The following EFNB2 variants were observed in gnomAD, a reference collection of about 807,000 sequenced individuals.
The protein encoded by EFNB2 is ephrin-B2.
Under a neutral mutation model 32.1 loss-of-function variants are expected in EFNB2, and 5 were observed. The ratio of observed to expected loss-of-function variants is 0.16; its 90% CI spans 0.08 to 0.33. EFNB2 has a LOEUF of 0.33. EFNB2 is among the 10% of genes least tolerant of loss of function. The pLI, the probability that EFNB2 is intolerant of heterozygous loss-of-function variation, is 1.00. For synonymous variants in EFNB2, 168 were observed against 166.5 expected (o/e 1.01, Z -0.07); for missense variants, 263 against 422.6 (o/e 0.62, Z 3.31).
intron 3 of EFNB2, 104 bp downstream of exon 3, chr13:106,495,643 TA>T: frequency 8.8e-7 from 1 of 1,134,784 alleles, no homozygotes; most frequent in Non-Finnish European, 1.3e-6. Flanking sequence ...CTTTGAAAAC[TA>T]AAAAGAAGAG....
At chr13:106,521,927 T>A (rs937540012) in intron 1 of EFNB2, among the ~76,000 whole-genome samples, 2 of 152,090 alleles carry the variant, frequency 1.3e-5, no homozygotes, top group African/African-American at 4.8e-5. Flanking sequence ...ACTTTAAGTG[T>A]GTGATCCCCA....
intron 1 of EFNB2, among the ~76,000 whole-genome samples, chr13:106,525,471 T>C (rs548328853): frequency 1.3e-4 from 20 of 152,340 alleles, no homozygotes; most frequent in Non-Finnish European, 2.8e-4. Flanking sequence ...GGATCTGTCT[T>C]GAGCAATGGC....
At chr13:106,495,603 T>C in intron 3 of EFNB2, 145 bp downstream of exon 3, 1 of 730,688 alleles carries the variant, frequency 1.4e-6, no homozygotes, top group Admixed American at 2.6e-5. Context: ...TGAGGAAATC[T>C]GTCAGTGGCT....
chr13:106,528,480 A>C (rs560402867), intron 1 of EFNB2, among the ~76,000 whole-genome samples: 6,638 of 148,322 alleles, frequency 0.045, 237 homozygotes, highest in African/African-American at 0.1. Context: ...TAAAAAAAAA[A>C]AACAACAACA....
intron 1 of EFNB2, chr13:106,517,351 C>T (rs1018733676): frequency 6.6e-6 from 1 of 152,152 alleles, no homozygotes; most frequent in African/African-American, 2.4e-5. Flanking sequence ...AAACTTCGCC[C>T]AGACAGAGAG....
chr13:106,501,229 C>T (rs1348083042), intron 2 of EFNB2, among the ~76,000 whole-genome samples: 1 of 152,150 alleles, frequency 6.6e-6, no homozygotes, highest in Non-Finnish European at 1.5e-5. Context: ...ATAGTGTTCA[C>T]TGAATGCCAA....
chr13:106,534,830 G>A lies in EFNB2; in HGVS notation c.122+13C>T, dbSNP rs1177283767. On this transcript the variant is annotated intron_variant, in intron 1 of 4. Coordinates refer to ENST00000646441, the MANE Select transcript of EFNB2 (RefSeq NM_004093.4). ...CGGGGCGGGGACATAGGGGGATCGC[G>A]GACGCCACTTACTTGGAGTTCGAGG... The A allele has an allele frequency of 4.4e-6, 7 of 1,608,146 alleles. No individual in the cohort carries two copies. The highest frequency in any genetic ancestry group is 1.1e-5 in the South Asian group (1 of 90,272).
chr13:106,514,225 CTTTCTGTG>C, intron 1 of EFNB2, among the ~76,000 whole-genome samples: 1 of 152,202 alleles, frequency 6.6e-6, no homozygotes, highest in African/African-American at 2.4e-5. Flanking sequence ...TTCAAAAAAA[CTTTCTGTG>C]AAACAGAACT....
At chr13:106,498,609 T>C (rs1458930850) in intron 2 of EFNB2, among the ~76,000 whole-genome samples, 1 of 152,178 alleles carries the variant, frequency 6.6e-6, no homozygotes, top group Non-Finnish European at 1.5e-5. Flanking sequence ...CTGTGTTGCA[T>C]AAGAATGAAA....
chr13:106,527,182 T>G lies in EFNB2; in HGVS notation c.122+7661A>C, dbSNP rs1465831484. The stretch of plus-strand genomic sequence containing the variant: ...GCAATGGGGACGTGGGTAGCAAGTA[T>G]GGGAAGGCAGATACAAAAACTGTAA... On this transcript the variant is annotated intron_variant, in intron 1 of 4. Coordinates refer to ENST00000646441, the MANE Select transcript of EFNB2 (RefSeq NM_004093.4). Among the ~76,000 whole-genome samples, 5 of 151,988 alleles carry G rather than the reference T, an allele frequency of 3.3e-5. No individual in the cohort carries two copies. In the East Asian group the frequency reaches 7.7e-4, roughly 23 times the overall value.
At chr13:106,530,893 C>A (rs998094987) in intron 1 of EFNB2, among the ~76,000 whole-genome samples, 1 of 152,214 alleles carries the variant, frequency 6.6e-6, no homozygotes, top group Non-Finnish European at 1.5e-5. Context: ...AAGGATGCAC[C>A]TCAGTAAGTT....
intron 2 of EFNB2, among the ~76,000 whole-genome samples, chr13:106,503,840 T>A (rs965750613): frequency 7.2e-5 from 11 of 152,108 alleles, no homozygotes; most frequent in African/African-American, 2.7e-4. Flanking sequence ...GTTTTAAAAA[T>A]AGGCGGCCAG....
intron 4 of EFNB2, 62 bp downstream of exon 4, chr13:106,494,819 T>G: frequency 7.6e-7 from 1 of 1,315,264 alleles, no homozygotes; most frequent in East Asian, 2.3e-5. Flanking sequence ...CCCTACCTTT[T>G]AAGATACTAC....
At chr13:106,497,352 G>C (rs1878624868) in intron 2 of EFNB2, among the ~76,000 whole-genome samples, 1 of 151,624 alleles carries the variant, frequency 6.6e-6, no homozygotes, top group Non-Finnish European at 1.5e-5. Context: ...GGGAAACTGG[G>C]CAATAATTGC....
In EFNB2 at chr13:106,535,478, G is replaced by C. The variant is rs1222944035; in HGVS notation, c.-514C>G. On this transcript the variant is annotated 5_prime_UTR_variant, in exon 1 of 5. Transcript: ENST00000646441. Reference sequence around the variant, plus strand: ...GCACGGAGCGGAGTAGGGCGCCTCCGGGCGCGCAGGAGCCTTCTCAGTCCG... The same window carrying C: ...GCACGGAGCGGAGTAGGGCGCCTCCCGGCGCGCAGGAGCCTTCTCAGTCCG... The C allele has an allele frequency of 3.1e-4, 46 of 150,080 alleles. No homozygotes were observed. Among genetic ancestry groups the C allele is most frequent in the Admixed American group, 3.0e-3 (46 of 15,082 alleles). The allele number at this position is 150,080 out of a possible 1,614,324, so 9.3% of individuals were successfully genotyped here.
intron 1 of EFNB2, among the ~76,000 whole-genome samples, chr13:106,522,156 T>C (rs1442807163): frequency 6.6e-6 from 1 of 152,128 alleles, no homozygotes; most frequent in African/African-American, 2.4e-5. Context: ...TGGGATGCTA[T>C]GTACAGTGGG....
chr13:106,495,503 TATC>T (rs1191470979), intron 3 of EFNB2, among the ~76,000 whole-genome samples: 14 of 72,656 alleles, frequency 1.9e-4, no homozygotes, highest in Non-Finnish European at 3.3e-4. Context: ...ATCTATTATC[TATC>T]TATCTATCTA....
chr13:106,526,352 T>C (rs2138941326), intron 1 of EFNB2, among the ~76,000 whole-genome samples: 1 of 152,324 alleles, frequency 6.6e-6, no homozygotes. Flanking sequence ...GAAGAAGGTG[T>C]GTCCCTGACT....
At chr13:106,511,766 C>A (rs1036237080) in intron 2 of EFNB2, among the ~76,000 whole-genome samples, 5 of 152,122 alleles carry the variant, frequency 3.3e-5, no homozygotes, top group African/African-American at 1.2e-4. Context: ...GACTTTAACA[C>A]CACCTGGGGC....
Sources: allele counts gnomAD v4.1 joint callset (sites outside exome capture counted in the v4.1 genomes callset), GRCh38; gene constraint gnomAD v4.1.1; transcripts MANE v1.5; gene names NCBI Gene and HGNC (gene_info 2026-07-23, HGNC 2026-07-21).